PARD3B: variants seen among roughly 807,000 people sequenced by gnomAD.
PARD3B encodes par-3 family cell polarity regulator beta.
In PARD3B, 103 loss-of-function variants were observed where a neutral mutation model predicts 130.2. That is an observed-to-expected ratio of 0.79 (90% confidence interval 0.67 to 0.93). The LOEUF is 0.93. Ranked by LOEUF, PARD3B falls within the 40% of genes least tolerant of loss-of-function variation. The pLI, the probability that PARD3B is intolerant of heterozygous loss-of-function variation, is 0.00. For missense variants in PARD3B, 1,609 were observed against 1,499.2 expected (o/e 1.07, Z -1.21); for synonymous variants, 583 against 553.2 (o/e 1.05, Z -0.76).
chr2:205,279,141 C>T (rs1170350047), intron 16 of PARD3B, among the ~76,000 whole-genome samples: 1 of 145,056 alleles, frequency 6.9e-6, no homozygotes, highest in Non-Finnish European at 1.5e-5. Context: ...ACTAAATTTT[C>T]CCCCCAAATT....
chr2:205,542,223 G>A (rs2052180469), intron 21 of PARD3B, among the ~76,000 whole-genome samples: 1 of 145,870 alleles, frequency 6.9e-6, no homozygotes, highest in African/African-American at 2.5e-5. Context: ...TAAGATCATT[G>A]AGCATGCATA....
intron 2 of PARD3B, among the ~76,000 whole-genome samples, chr2:204,796,669 T>C (rs899482240): frequency 1.3e-5 from 2 of 152,224 alleles, no homozygotes; most frequent in African/African-American, 4.8e-5. Context: ...TTCATTGCAT[T>C]ACATGTCACA....
At chr2:205,052,060 T>A (rs62173544) in intron 4 of PARD3B, among the ~76,000 whole-genome samples, 2 of 152,074 alleles carry the variant, frequency 1.3e-5, no homozygotes, top group Non-Finnish European at 2.9e-5. Context: ...TTCCTTTTCT[T>A]GATTGTAACC....
At chr2:204,856,946 T>C (rs1222177932) in intron 2 of PARD3B, among the ~76,000 whole-genome samples, 1 of 152,156 alleles carries the variant, frequency 6.6e-6, no homozygotes, top group Non-Finnish European at 1.5e-5. Context: ...TAGGATTTTC[T>C]TTTTTAGATC....
rs187870380 is a variant in PARD3B at position 204,903,010 on chromosome 2, A to G, written c.223-62142A>G. On this transcript the variant is annotated intron_variant, in intron 2 of 22. Coordinates refer to ENST00000406610, the MANE Select transcript of PARD3B (RefSeq NM_001302769.2). ...CTGTAGCAAGAGTTTCAGAGAGAAA[A>G]CTCAAGGAGTGAACTGTGTTTGGGT... 1.2e-3 allele frequency among the ~76,000 whole-genome samples: 183 copies of G among 152,268 alleles called. 1 individual carries two copies. Among genetic ancestry groups the G allele is most frequent in the African/African-American group, 4.2e-3 (173 of 41,558 alleles).
rs2053214696 is a variant in PARD3B at position 205,563,588 on chromosome 2, T to C, written c.3260+10185T>C. On this transcript the variant is annotated intron_variant, in intron 22 of 22. Coordinates refer to ENST00000406610, the MANE Select transcript of PARD3B (RefSeq NM_001302769.2). The surrounding 1 kb of genome is among the most constrained non-coding windows in gnomAD (Gnocchi z 4.2). ...CTTAGACCATATGAAGAATAGCCCA[T>C]GTTCATTGTGAACATCTTTTAAGGT... Among the ~76,000 whole-genome samples the C allele has an allele frequency of 6.6e-6, 1 of 152,068 alleles. No homozygotes were observed. Among genetic ancestry groups the C allele is most frequent in the South Asian group, 2.1e-4 (1 of 4,836 alleles).
In PARD3B at chr2:205,416,290, G is replaced by GT. The variant is rs368833871; in HGVS notation, c.2741+15168dup. 2.7e-3 allele frequency among the ~76,000 whole-genome samples: 406 copies of GT among 152,158 alleles called. 1 individual carries two copies. The highest frequency in any genetic ancestry group is 0.01 in the South Asian group (50 of 4,818). ...ATAATATGTATATAGGCTTAATAGT[G>GT]TCTGGTAATACCCTGCTACATCCTC... On this transcript the variant is annotated intron_variant, in intron 19 of 22. Coordinates refer to ENST00000406610, the MANE Select transcript of PARD3B (RefSeq NM_001302769.2).
intron 15 of PARD3B, among the ~76,000 whole-genome samples, chr2:205,213,958 T>C (rs1159677051): frequency 6.6e-6 from 1 of 152,144 alleles, no homozygotes; most frequent in African/African-American, 2.4e-5. Context: ...GTTTAGGTCA[T>C]GTGAATTCAC....
chr2:205,476,850 GTGTGTA>G (rs1161714686), intron 20 of PARD3B, among the ~76,000 whole-genome samples: 2 of 152,078 alleles, frequency 1.3e-5, no homozygotes, highest in African/African-American at 2.4e-5. Context: ...GTTTCTTCAT[GTGTGTA>G]TGTGTATGCG....
intron 1 of PARD3B, among the ~76,000 whole-genome samples, chr2:204,597,687 GCTGTCC>G: frequency 6.6e-6 from 1 of 152,246 alleles, no homozygotes; most frequent in African/African-American, 2.4e-5. Flanking sequence ...AGCATGTGTT[GCTGTCC>G]AGAGTAGAGC....
At chr2:204,604,577 CTGAG>C (rs1044885881) in intron 1 of PARD3B, among the ~76,000 whole-genome samples, 8 of 152,080 alleles carry the variant, frequency 5.3e-5, no homozygotes, top group Non-Finnish European at 1.2e-4. Flanking sequence ...TCTAAAATGA[CTGAG>C]TATTTAAACT....
chr2:204,764,919 T>C (rs958678135), intron 2 of PARD3B, among the ~76,000 whole-genome samples: 1 of 152,034 alleles, frequency 6.6e-6, no homozygotes, highest in Non-Finnish European at 1.5e-5. Flanking sequence ...TTTAAATAAA[T>C]CTAGGAAGGA....
intron 18 of PARD3B, among the ~76,000 whole-genome samples, chr2:205,355,399 AATG>A (rs1342976463): frequency 6.6e-6 from 1 of 152,206 alleles, no homozygotes; most frequent in East Asian, 1.9e-4. Flanking sequence ...TAGTAACAGA[AATG>A]AAAAAATAAG....
chr2:204,981,798 C>T (rs377144958), intron 3 of PARD3B, among the ~76,000 whole-genome samples: 24 of 151,894 alleles, frequency 1.6e-4, no homozygotes, highest in East Asian at 1.5e-3. Flanking sequence ...ATGACAAGAA[C>T]GAGGAGTCTA....
intron 18 of PARD3B, among the ~76,000 whole-genome samples, chr2:205,386,932 C>T (rs2045681208): frequency 6.6e-6 from 1 of 152,068 alleles, no homozygotes; most frequent in African/African-American, 2.4e-5. Context: ...TATTTTGCAA[C>T]AGATTTCTTC....
rs141438594 is a variant in PARD3B at position 204,788,542 on chromosome 2, CTT to C, written c.222+102262_222+102263del. ...TTATCAAATATTTTAGTTCAAATAA[CTT>C]TAACAGTCTTTGGATGTCCCATCAT... On this transcript the variant is annotated intron_variant, in intron 2 of 22. Transcript: ENST00000406610. Among the ~76,000 whole-genome samples the C allele has an allele frequency of 7.2e-3, 1,095 of 152,288 alleles. 11 individuals carry two copies. Among genetic ancestry groups the C allele is most frequent in the African/African-American group, 0.025 (1,033 of 41,570 alleles).
chr2:204,866,584 A>C (rs924073606), intron 2 of PARD3B, among the ~76,000 whole-genome samples: 5 of 152,132 alleles, frequency 3.3e-5, no homozygotes, highest in Non-Finnish European at 5.9e-5. Context: ...CAACAAAAAA[A>C]TACAGTCAAA....
chr2:204,827,846 A>T (rs183537022), intron 2 of PARD3B, among the ~76,000 whole-genome samples: 1 of 152,352 alleles, frequency 6.6e-6, no homozygotes. Context: ...CTGCTGAATG[A>T]ATAGATGCAT....
chr2:205,248,889 GAGCCACCGCGCCCAGCCTGTCTCACC>G (rs2039701857), intron 16 of PARD3B, among the ~76,000 whole-genome samples: 1 of 151,768 alleles, frequency 6.6e-6, no homozygotes, highest in South Asian at 2.1e-4. Context: ...TTACAGGCGT[GAGCCACCGCGCCCAGCCTGTCTCACC>G]ATTCTTAAAA....
Sources: allele counts gnomAD v4.1 joint callset (sites outside exome capture counted in the v4.1 genomes callset), GRCh38; gene constraint gnomAD v4.1.1; non-coding constraint Gnocchi (gnomAD v3.1); transcripts MANE v1.5; gene names NCBI Gene and HGNC (gene_info 2026-07-23, HGNC 2026-07-21).